SPAG16: variants seen among roughly 807,000 people sequenced by gnomAD.
The protein encoded by SPAG16 is sperm-associated antigen 16 protein.
SPAG16 carries 86 observed loss-of-function variants against 80.4 expected under a neutral mutation model. The ratio of observed to expected loss-of-function variants is 1.07; its 90% CI spans 0.90 to 1.28. The LOEUF (loss-of-function observed/expected upper bound fraction) is 1.28. SPAG16 is among the 50% of genes most tolerant of loss of function. The pLI is 0.00. For synonymous variants in SPAG16, 294 were observed against 265.9 expected, an observed-to-expected ratio of 1.11 and a Z score of -1.03; for missense variants, 870 against 765.3, an observed-to-expected ratio of 1.14 and a Z score of -1.61.
intron 13 of SPAG16, among the ~76,000 whole-genome samples, chr2:214,086,247 A>C (rs2051740793): frequency 6.6e-6 from 1 of 152,204 alleles, no homozygotes; most frequent in Admixed American, 6.5e-5. Context: ...GGTTGTTACC[A>C]ATTCCAGAGG....
At chr2:214,258,054 A>G (rs1326831643) in intron 15 of SPAG16, among the ~76,000 whole-genome samples, 2 of 151,980 alleles carry the variant, frequency 1.3e-5, no homozygotes, top group Non-Finnish European at 2.9e-5. Flanking sequence ...AAATTTGTTC[A>G]TTGCACTTAT....
rs34838185 is a variant in SPAG16, at chr2:213,501,315, T to C, written c.1070+11225T>C. ...GGTATCATTTTCCTTGCTTTAGTAA[T>C]AATATTGAACATTTATTAAGCTGAT... On this transcript the variant is annotated intron_variant, in intron 10 of 15. Coordinates refer to ENST00000331683, the MANE Select transcript of SPAG16 (RefSeq NM_024532.5). 3.3e-3 allele frequency among the ~76,000 whole-genome samples: 500 copies of C among 152,344 alleles called. 1 individual carries two copies. The highest frequency in any genetic ancestry group is 0.017 in the Middle Eastern group (5 of 294).
intron 15 of SPAG16, among the ~76,000 whole-genome samples, chr2:214,226,213 C>T (rs546160934): frequency 4.6e-5 from 7 of 152,154 alleles, no homozygotes; most frequent in East Asian, 1.9e-4. Context: ...GGGGCTAGCC[C>T]GTCTAGGATA....
In SPAG16 at chr2:214,015,032, A is replaced by G. The variant is rs554819431; in HGVS notation, c.1527+955A>G. ...TTCATAAGCTTGAGGAGGAGTCATG[A>G]CTATTTATGAAAGGTGAATCATGCA... On this transcript the variant is annotated intron_variant, in intron 13 of 15. Coordinates refer to ENST00000331683, the MANE Select transcript of SPAG16 (RefSeq NM_024532.5). 3.3e-5 allele frequency among the ~76,000 whole-genome samples: 5 copies of G among 152,240 alleles called. No individual in the cohort carries two copies. The East Asian group carries it at 7.7e-4, about 24-fold the overall frequency.
At chr2:214,067,449 C>T (rs2050582802) in intron 13 of SPAG16, among the ~76,000 whole-genome samples, 1 of 152,014 alleles carries the variant, frequency 6.6e-6, no homozygotes, top group South Asian at 2.1e-4. Flanking sequence ...AGAATCAGCT[C>T]TACTGCATGC....
At chr2:213,375,595 G>A (rs2066846693) in intron 9 of SPAG16, among the ~76,000 whole-genome samples, 1 of 151,918 alleles carries the variant, frequency 6.6e-6, no homozygotes, top group East Asian at 1.9e-4. Flanking sequence ...CTTTGCCAGT[G>A]ATTAAAGAAA....
chr2:214,225,991 A>G (rs2058689472), intron 15 of SPAG16, among the ~76,000 whole-genome samples: 1 of 152,156 alleles, frequency 6.6e-6, no homozygotes, highest in African/African-American at 2.4e-5. Flanking sequence ...GAGTCTGACT[A>G]CTTCCGGTAG....
chr2:213,766,891 G>A (rs778312140), intron 10 of SPAG16, among the ~76,000 whole-genome samples: 1 of 152,218 alleles, frequency 6.6e-6, no homozygotes, highest in African/African-American at 2.4e-5. Context: ...TATTACCTGA[G>A]CACAAAGTCT....
intron 9 of SPAG16, among the ~76,000 whole-genome samples, chr2:213,468,714 A>G (rs953531660): frequency 2.7e-5 from 4 of 148,710 alleles, no homozygotes; most frequent in Non-Finnish European, 5.9e-5. Context: ...ATATCTGTGT[A>G]TATATATGTG....
At chr2:213,525,873 T>C (rs1338540527) in intron 10 of SPAG16, among the ~76,000 whole-genome samples, 1 of 152,164 alleles carries the variant, frequency 6.6e-6, no homozygotes, top group African/African-American at 2.4e-5. Context: ...TCTTAAGTTT[T>C]TATTTGCTAC....
intron 11 of SPAG16, among the ~76,000 whole-genome samples, chr2:213,907,351 A>C (rs1360967258): frequency 2.0e-5 from 3 of 152,206 alleles, no homozygotes; most frequent in Non-Finnish European, 4.4e-5. Flanking sequence ...CCTAGTTAGA[A>C]TGGCTATTAT....
chr2:214,220,824 T>C (rs959894313), intron 15 of SPAG16, among the ~76,000 whole-genome samples: 1 of 152,178 alleles, frequency 6.6e-6, no homozygotes, highest in African/African-American at 2.4e-5. Context: ...TCATATGACA[T>C]GTGCTGAAGG....
At chr2:213,836,568 A>G (rs1236153308) in intron 10 of SPAG16, among the ~76,000 whole-genome samples, 1 of 151,900 alleles carries the variant, frequency 6.6e-6, no homozygotes, top group Non-Finnish European at 1.5e-5. Flanking sequence ...AGCAACCCTG[A>G]TTTTTTTAAT....
At chr2:213,348,109 G>C (rs554621270) in intron 6 of SPAG16, among the ~76,000 whole-genome samples, 1 of 151,874 alleles carries the variant, frequency 6.6e-6, no homozygotes, top group Non-Finnish European at 1.5e-5. Flanking sequence ...GTTAGCTCTT[G>C]TCAAATTGAT....
At position 213,941,506 on chromosome 2, in the gene SPAG16, A is replaced by C. The variant is rs557912707; in HGVS notation, c.1400+11361A>C. Among the ~76,000 whole-genome samples, 27 of 152,260 alleles carry C rather than the reference A, an allele frequency of 1.8e-4. No individual in the cohort carries two copies. In the East Asian group the frequency reaches 5.0e-3, roughly 28 times the overall value. ...GAGATTGTTCTTGGGATCGTGACAT[A>C]AATTTCCCCTACCGCTGGATCTGCA... On this transcript the variant is annotated intron_variant, in intron 12 of 15. Coordinates refer to ENST00000331683, the MANE Select transcript of SPAG16 (RefSeq NM_024532.5).
chr2:213,860,221 T>C (rs1000496976), intron 10 of SPAG16, among the ~76,000 whole-genome samples: 1 of 151,890 alleles, frequency 6.6e-6, no homozygotes, highest in Non-Finnish European at 1.5e-5. Context: ...CAGGTATTTA[T>C]TAATATATTA....
At chr2:214,347,059 C>T (rs1698097087) in intron 15 of SPAG16, among the ~76,000 whole-genome samples, 2 of 152,128 alleles carry the variant, frequency 1.3e-5, no homozygotes, top group South Asian at 2.1e-4. Flanking sequence ...TATGTGGCAT[C>T]GGTTTGGAGA....
chr2:213,583,469 A>G (rs1422967974), intron 10 of SPAG16, among the ~76,000 whole-genome samples: 1 of 152,224 alleles, frequency 6.6e-6, no homozygotes, highest in Non-Finnish European at 1.5e-5. Context: ...CCTTCTTTAG[A>G]AATGACAGAA....
At chr2:213,387,832 T>C (rs968209001) in intron 9 of SPAG16, among the ~76,000 whole-genome samples, 1 of 152,264 alleles carries the variant, frequency 6.6e-6, no homozygotes, top group East Asian at 1.9e-4. Flanking sequence ...TAAACATATT[T>C]ATATCCCTAA....
Sources: gnomAD v4.1 joint callset for allele counts (sites outside exome capture counted in the v4.1 genomes callset) on GRCh38, gnomAD v4.1.1 for gene constraint, MANE v1.5 for transcripts, NCBI Gene and HGNC (gene_info 2026-07-23, HGNC 2026-07-21) for gene names.